POLR3B: variants seen among roughly 807,000 people sequenced by gnomAD.
POLR3B encodes the protein DNA-directed RNA polymerase III subunit RPC2.
Under a neutral mutation model 147.4 loss-of-function variants are expected in POLR3B, and 96 were observed. The ratio of observed to expected loss-of-function variants is 0.65; its 90% CI spans 0.55 to 0.77. POLR3B has a LOEUF of 0.77. POLR3B is among the 30% of genes least tolerant of loss of function. The probability of loss-of-function intolerance (pLI) is 0.00; values close to 1 mark genes in which losing one functional copy is unlikely to be tolerated. For synonymous variants in POLR3B, 461 were observed against 485.9 expected, an observed-to-expected ratio of 0.95 and a Z score of 0.67; for missense variants, 1,036 against 1,413.5, an observed-to-expected ratio of 0.73 and a Z score of 4.28.
rs188689733 is a variant in POLR3B at position 106,437,444 on chromosome 12, A to C, written c.1857-237A>C. ...TTCTAAGGTCAGAATTTTTTTTTTA[A>C]GAAGTGGGGACTAGGTTCACAAGAG... On this transcript the variant is annotated intron_variant, in intron 17 of 27. Coordinates refer to ENST00000228347, the MANE Select transcript of POLR3B (RefSeq NM_018082.6). 6.8e-3 allele frequency among the ~76,000 whole-genome samples: 1,029 copies of C among 152,158 alleles called. 12 individuals are homozygous for C. Among genetic ancestry groups the C allele is most frequent in the African/African-American group, 0.023 (940 of 41,524 alleles).
intron 22 of POLR3B, among the ~76,000 whole-genome samples, chr12:106,461,225 C>T (rs2037929865): frequency 6.6e-6 from 1 of 152,036 alleles, no homozygotes; most frequent in African/African-American, 2.4e-5. Flanking sequence ...TCCCGAGTAG[C>T]TGGGACTACA....
intron 8 of POLR3B, 43 bp downstream of exon 8, chr12:106,378,427 T>C: frequency 8.6e-7 from 1 of 1,169,124 alleles, no homozygotes; most frequent in Non-Finnish European, 1.3e-6. Flanking sequence ...TATTGGTCAT[T>C]CCATTAGTCC....
In POLR3B at chr12:106,380,070, G is replaced by A; in HGVS notation, c.654G>A (p.Val218=). 2 of 1,613,268 alleles carry A rather than the reference G, an allele frequency of 1.2e-6. No individual in the cohort carries two copies. Among genetic ancestry groups the A allele is most frequent in the Non-Finnish European group, 1.7e-6 (2 of 1,179,496 alleles). ...HEKKSRTNMA[V]KQGRFYLRHN... is the part of the protein sequence containing the mutation. ...AAAAAAGCAGAACCAATATGGCTGT[G>A]AAACAAGGACGATTTTATTTGAGGC... Residue 218 remains valine, a synonymous_variant, in exon 9 of 28, where the codon GTG becomes GTA. Coordinates refer to ENST00000228347, the MANE Select transcript of POLR3B (RefSeq NM_018082.6).
At chr12:106,477,127 T>C (rs965885370) in intron 23 of POLR3B, among the ~76,000 whole-genome samples, 16 of 129,418 alleles carry the variant, frequency 1.2e-4, no homozygotes, top group Non-Finnish European at 2.4e-4. Flanking sequence ...ATACCCTGCC[T>C]TGTGAGGTGT....
intron 12 of POLR3B, among the ~76,000 whole-genome samples, chr12:106,412,575 T>C (rs1291500231): frequency 6.6e-6 from 1 of 152,250 alleles, no homozygotes; most frequent in Non-Finnish European, 1.5e-5. Context: ...AGTTTCTTTC[T>C]GCTTCCTGAT....
In POLR3B at chr12:106,490,703, G is replaced by T. The variant is rs1565913659; in HGVS notation, c.2714-5352G>T. Among the ~76,000 whole-genome samples, 6 of 152,064 alleles carry T rather than the reference G, an allele frequency of 3.9e-5. No individual in the cohort carries two copies. The South Asian group carries it at 1.2e-3, about 32-fold the overall frequency. On this transcript the variant is annotated intron_variant, in intron 23 of 27. Transcript: ENST00000228347. ...TTAATTCGATAGCTGGAAAAGGGGAGGGGAAGAACGGAATAACCACCTGTG... is the reference window on the plus strand; with the variant it reads ...TTAATTCGATAGCTGGAAAAGGGGATGGGAAGAACGGAATAACCACCTGTG...
At chr12:106,399,324 A>T (rs1301464297) in intron 10 of POLR3B, among the ~76,000 whole-genome samples, 1 of 152,240 alleles carries the variant, frequency 6.6e-6, no homozygotes, top group Non-Finnish European at 1.5e-5. Context: ...ATATGGGACT[A>T]TATGAAAAGA....
At chr12:106,462,376 T>TTACAGGGGCTGTGATTAC (rs2137035704) in intron 22 of POLR3B, among the ~76,000 whole-genome samples, 1 of 152,326 alleles carries the variant, frequency 6.6e-6, no homozygotes, top group East Asian at 1.9e-4. Flanking sequence ...GCCTCCTGAA[T>TTACAGGGGCTGTGATTAC]AGCTGTGATT....
At chr12:106,375,886 C>G (rs1345669568) in intron 6 of POLR3B, among the ~76,000 whole-genome samples, 2 of 152,152 alleles carry the variant, frequency 1.3e-5, no homozygotes, top group African/African-American at 4.8e-5. Flanking sequence ...GAGACAGAGC[C>G]TCACTCTGGA....
chr12:106,446,128 T>TA, intron 19 of POLR3B: 1 of 327,588 alleles, frequency 3.1e-6, no homozygotes, highest in South Asian at 2.5e-5. Flanking sequence ...CAAGTTGAAA[T>TA]ATACAGTACT....
At chr12:106,397,266 A>G (rs115320715) in intron 10 of POLR3B, among the ~76,000 whole-genome samples, 2,466 of 152,296 alleles carry the variant, frequency 0.016, 65 homozygotes, top group African/African-American at 0.057. Flanking sequence ...TCCAAGGCCT[A>G]CCTTCAAAAG....
intron 12 of POLR3B, among the ~76,000 whole-genome samples, chr12:106,424,180 A>ATG (rs2037407543): frequency 6.6e-6 from 1 of 151,792 alleles, no homozygotes; most frequent in South Asian, 2.1e-4. Flanking sequence ...ACATATATAT[A>ATG]TATTCCTCTC....
intron 18 of POLR3B, among the ~76,000 whole-genome samples, chr12:106,442,369 G>A (rs1471551232): frequency 6.6e-6 from 1 of 152,106 alleles, no homozygotes; most frequent in Non-Finnish European, 1.5e-5. Context: ...AAACAAAGCA[G>A]TATATTTAAA....
chr12:106,490,053 GGAA>G (rs1214563989), intron 23 of POLR3B, among the ~76,000 whole-genome samples: 1 of 152,124 alleles, frequency 6.6e-6, no homozygotes, highest in Non-Finnish European at 1.5e-5. Context: ...ATACCTTATT[GGAA>G]GAAGATTTTA....
intron 18 of POLR3B, among the ~76,000 whole-genome samples, 194 bp from the exon 19 acceptor site, chr12:106,444,269 G>A (rs1234480189): frequency 2.0e-5 from 3 of 152,170 alleles, no homozygotes; most frequent in African/African-American, 7.2e-5. Context: ...AGTAATTTAT[G>A]TGTTAATTAC....
chr12:106,363,824 T>G, intron 1 of POLR3B, 46 bp from the exon 2 acceptor site: 1 of 1,430,860 alleles, frequency 7.0e-7, no homozygotes, highest in East Asian at 2.3e-5. Flanking sequence ...ATGAAAGTAC[T>G]GTTGCTGGTA....
At chr12:106,478,192 C>T (rs922506083) in intron 23 of POLR3B, among the ~76,000 whole-genome samples, 4 of 152,054 alleles carry the variant, frequency 2.6e-5, no homozygotes, top group African/African-American at 9.7e-5. Context: ...CAGACGTGAG[C>T]CACCATGCCC....
intron 12 of POLR3B, among the ~76,000 whole-genome samples, chr12:106,426,282 C>G (rs2037434559): frequency 6.7e-6 from 1 of 149,016 alleles, no homozygotes; most frequent in Admixed American, 6.7e-5. Context: ...GACAGAGTCT[C>G]ACTCTGTCGC....
intron 4 of POLR3B, among the ~76,000 whole-genome samples, chr12:106,367,797 A>T (rs2036553587): frequency 6.6e-6 from 1 of 152,188 alleles, no homozygotes; most frequent in African/African-American, 2.4e-5. Context: ...TAAGTATCTT[A>T]TAGGGACATT....
Sources: gnomAD v4.1 joint callset for allele counts (sites outside exome capture counted in the v4.1 genomes callset) on GRCh38, gnomAD v4.1.1 for gene constraint, MANE v1.5 for transcripts, NCBI Gene and HGNC (gene_info 2026-07-23, HGNC 2026-07-21) for gene names.